The following DRP2 variants were observed in gnomAD, a reference collection of about 807,000 sequenced individuals.
DRP2 encodes the protein dystrophin-related protein 2.
Under a neutral mutation model 78.2 loss-of-function variants are expected in DRP2, and 29 were observed. That is an observed-to-expected ratio of 0.37 (90% CI 0.28 to 0.51). DRP2 has a LOEUF of 0.51. Among genes scored for constraint, DRP2 ranks in the 20% least tolerant of loss-of-function variants. The probability of loss-of-function intolerance (pLI) is 0.94; values close to 1 mark genes in which losing one functional copy is unlikely to be tolerated. For missense variants in DRP2, 686 were observed against 770.6 expected (o/e 0.89, Z 1.30); for synonymous variants, 290 against 281.9 (o/e 1.03, Z -0.29).
At chrX:101,237,852 C>T (rs755794197) in intron 5 of DRP2, 77 bp downstream of exon 5, 92 of 973,529 alleles carry the variant, frequency 9.5e-5, no homozygotes, top group Non-Finnish European at 1.2e-4. Flanking sequence ...CCCTGACAGA[C>T]ACCCAGCTCT....
intron 20 of DRP2, 41 bp downstream of exon 20, chrX:101,255,290 C>A: frequency 8.6e-7 from 1 of 1,158,673 alleles, no homozygotes; most frequent in Non-Finnish European, 1.2e-6. Context: ...AATAGTTCTC[C>A]TTGAGATCTT....
At chrX:101,249,065 A>G (rs73635566) in intron 14 of DRP2, among the ~76,000 whole-genome samples, 3,756 of 112,037 alleles carry the variant, frequency 0.034, 156 homozygotes, top group African/African-American at 0.11. Flanking sequence ...TCTTTGGCTT[A>G]TAGTACCTTT....
chrX:101,225,570 G>A (rs1255212174), intron 2 of DRP2, among the ~76,000 whole-genome samples: 1 of 111,443 alleles, frequency 9.0e-6, no homozygotes, highest in Non-Finnish European at 1.9e-5. Context: ...GTTAATGTAT[G>A]TAGACTGCTT....
rs2147342993 is a variant in DRP2 at position 101,244,022 on chromosome X, T to C, written c.1055-995T>C. Among the ~76,000 whole-genome samples, 2 of 109,362 alleles carry C rather than the reference T, an allele frequency of 1.8e-5. 1 individual carries two copies. The highest frequency in any genetic ancestry group is 8.0e-4 in the South Asian group (2 of 2,511). The allele number at this position is 109,362 out of a possible 115,157, so 95.0% of individuals were successfully genotyped here. A position where few individuals can be genotyped will look rare whatever the true frequency, so the allele number is the denominator to read the frequency against. On this transcript the variant is annotated intron_variant, in intron 9 of 23. Coordinates refer to ENST00000395209, the MANE Select transcript of DRP2 (RefSeq NM_001939.3). ...GTAAGGAGAGCAAAGTGTGGGGGAG[T>C]AGGGGAGGCTGGAGCATGTAAGGCC...
intron 9 of DRP2, chrX:101,243,187 G>GATTAC: frequency 3.4e-6 from 1 of 297,543 alleles, no homozygotes; most frequent in Non-Finnish European, 5.9e-6. Flanking sequence ...AACACTTTGG[G>GATTAC]AGGCTGAGGT....
chrX:101,233,553 A>T (rs1283192784), intron 3 of DRP2, among the ~76,000 whole-genome samples: 1 of 112,233 alleles, frequency 8.9e-6, no homozygotes, highest in Non-Finnish European at 1.9e-5. Context: ...ATAAATAAGG[A>T]TGGGAACAGA....
chrX:101,247,033 T>C (rs1211320742), intron 11 of DRP2, 57 bp from the exon 12 acceptor site: 2 of 1,101,821 alleles, frequency 1.8e-6, no homozygotes, highest in East Asian at 6.1e-5. Flanking sequence ...TGGTATCTTG[T>C]TGCGGCTTTA....
At chrX:101,238,894 A>G (rs1471891141) in intron 5 of DRP2, 87 bp from the exon 6 acceptor site, 1 of 1,098,775 alleles carries the variant, frequency 9.1e-7, no homozygotes, top group East Asian at 3.1e-5. Flanking sequence ...ACACACTGAG[A>G]AGAAGAAAGG....
intron 3 of DRP2, among the ~76,000 whole-genome samples, chrX:101,234,661 A>T (rs1018574595): frequency 8.1e-5 from 9 of 111,072 alleles, no homozygotes; most frequent in Non-Finnish European, 1.7e-4. Flanking sequence ...GGATCCTGCT[A>T]TGGACTCCCC....
chrX:101,247,991 G>A, intron 12 of DRP2, 98 bp from the exon 13 acceptor site: 1 of 767,771 alleles, frequency 1.3e-6, no homozygotes, highest in Non-Finnish European at 1.9e-6. Flanking sequence ...TGGAGATTGA[G>A]TCAAATTTGG....
chrX:101,230,833 G>A lies in DRP2; in HGVS notation c.-63-752G>A, dbSNP rs150886425. On this transcript the variant is annotated intron_variant, in intron 2 of 23. Coordinates refer to ENST00000395209, the MANE Select transcript of DRP2 (RefSeq NM_001939.3). ...CTCACCTCAAGCACATTTCCTCTAGGGAGACTTTTCTTGACATGACCAGAT... is the reference window on the plus strand; with the variant it reads ...CTCACCTCAAGCACATTTCCTCTAGAGAGACTTTTCTTGACATGACCAGAT... Among the ~76,000 whole-genome samples the A allele has an allele frequency of 2.8e-3, 314 of 111,499 alleles. 2 individuals carry two copies. The highest frequency in any genetic ancestry group is 9.7e-3 in the African/African-American group (298 of 30,626).
rs755504647 is a variant in DRP2, at chrX:101,241,626, C to G, written c.560-42C>G. 3.3e-6 allele frequency: 4 copies of G among 1,197,801 alleles called. No individual in the cohort carries two copies. The African/African-American group carries it at 7.0e-5, about 21-fold the overall frequency. The stretch of plus-strand genomic sequence containing the variant: ...TTCTGTCTCTTTCTTTGAGCTGACC[C>G]TGCCTGGTTGGCCTAACCTGGCTTC... On this transcript the variant is annotated intron_variant, in intron 6 of 23. Transcript: ENST00000395209.
chrX:101,247,161 C>T lies in DRP2; in HGVS notation c.1249C>T (p.Arg417Cys). The change falls in exon 12 of 24, where the codon CGC (arginine) becomes TGC (cysteine). Residue 417 changes from arginine (R) to cysteine (C), a missense_variant. Coordinates refer to ENST00000395209, the MANE Select transcript of DRP2 (RefSeq NM_001939.3). ...ACTCCGCAGAGTCCAGAAAGCCCTG[C>T]GCTGTACGTCTCCTGTTGTACTTCC... is the stretch of plus-strand genomic sequence containing the variant. ...MKLRRVQKALRLDLVTLTTAL... is the reference protein window; with the variant it reads ...MKLRRVQKALCLDLVTLTTAL... 8.3e-7 allele frequency: 1 copy of T among 1,204,986 alleles called. No individual in the cohort carries two copies. The highest frequency in any genetic ancestry group is 1.1e-6 in the Non-Finnish European group (1 of 890,804).
Position 101,235,959 on chromosome X carries a change from C to G in DRP2, c.217C>G (p.Pro73Ala), listed in dbSNP as rs939937424. The G allele has an allele frequency of 1.7e-5, 20 of 1,210,120 alleles. No homozygotes were observed. The highest frequency in any genetic ancestry group is 3.5e-5 in the African/African-American group (2 of 57,199). Residue 73 changes from proline (P) to alanine (A), a missense_variant, in exon 4 of 24, where the codon CCC becomes GCC. This residue lies in a region of DRP2 where 263 missense variants were observed against 239.1 expected (regional missense o/e 1.10). Coordinates refer to ENST00000395209, the MANE Select transcript of DRP2 (RefSeq NM_001939.3). ...GAACGGGTCTGTTGGTGCCTCTGGA[C>G]CCCTGGAACCACCAGCCATGAATCT... ...LLNGSVGASG[P>A]LEPPAMNLCW...
Position 101,241,793 on chromosome X carries a change from A to G in DRP2, c.685A>G (p.Thr229Ala). Residue 229 changes from threonine to alanine, a missense_variant, in exon 7 of 24, where the codon ACT becomes GCT. Thr to Ala is a moderately conservative substitution (Grantham distance 58, BLOSUM62 0). Coordinates refer to ENST00000395209, the MANE Select transcript of DRP2 (RefSeq NM_001939.3). Reference sequence around the variant, plus strand: ...GGACCAGCACCGTCACATTGAGCGGACTCTGGAGCAGCTCTTGGAGATTCA... The same window carrying G: ...GGACCAGCACCGTCACATTGAGCGGGCTCTGGAGCAGCTCTTGGAGATTCA... ...CVDQHRHIERTLEQLLEIQGA... is the reference protein window; with the variant it reads ...CVDQHRHIERALEQLLEIQGA... The G allele has an allele frequency of 1.7e-6, 2 of 1,211,244 alleles. No homozygotes were observed. Among genetic ancestry groups the G allele is most frequent in the Non-Finnish European group, 2.2e-6 (2 of 895,398 alleles).
At chrX:101,250,681 C>A (rs1056956930) in intron 15 of DRP2, 101 bp downstream of exon 15, 27 of 1,054,512 alleles carry the variant, frequency 2.6e-5, no homozygotes, top group Non-Finnish European at 3.0e-5. Flanking sequence ...CTGAAGTACG[C>A]AGATGCAAGG....
chrX:101,221,912 C>T (rs938641122), intron 1 of DRP2, among the ~76,000 whole-genome samples: 2 of 111,783 alleles, frequency 1.8e-5, no homozygotes, highest in African/African-American at 6.5e-5. Context: ...GACATTCCTC[C>T]CTTATGAAGG....
At chrX:101,257,000 T>G (rs1923361994) in intron 21 of DRP2, among the ~76,000 whole-genome samples, 1 of 109,414 alleles carries the variant, frequency 9.1e-6, no homozygotes, top group African/African-American at 3.3e-5. Flanking sequence ...GAAATGTGTA[T>G]CACCTAGTAA....
At chrX:101,230,813 C>T (rs1330251960) in intron 2 of DRP2, among the ~76,000 whole-genome samples, 1 of 111,699 alleles carries the variant, frequency 9.0e-6, no homozygotes, top group East Asian at 2.8e-4. Context: ...CATGACTCAC[C>T]TCAAGCACAT....
Sources: gnomAD v4.1 joint callset for allele counts (sites outside exome capture counted in the v4.1 genomes callset) on GRCh38, gnomAD v4.1.1 for gene constraint, gnomAD v4.1.1 regional missense constraint, MANE v1.5 for transcripts, NCBI Gene and HGNC (gene_info 2026-07-23, HGNC 2026-07-21) for gene names.